The following STK3 variants were observed in gnomAD, a reference collection of about 807,000 sequenced individuals.
STK3 encodes serine/threonine kinase 3, also known as serine/threonine-protein kinase 3.
Under a neutral mutation model 58.0 loss-of-function variants are expected in STK3, and 41 were observed. The observed-to-expected ratio is 0.71, with a 90% CI of 0.55 to 0.92. STK3 has a LOEUF of 0.92. STK3 is among the 40% of genes least tolerant of loss of function. The pLI is 0.00. For missense variants in STK3, 479 were observed against 602.7 expected (o/e 0.79, Z 2.15); for synonymous variants, 170 against 191.0 (o/e 0.89, Z 0.91).
At chr8:98,696,091 G>A (rs1389577802) in intron 6 of STK3, among the ~76,000 whole-genome samples, 1 of 152,102 alleles carries the variant, frequency 6.6e-6, no homozygotes, top group Non-Finnish European at 1.5e-5. Context: ...TCCCTTGTAA[G>A]TTGGATTCCC....
chr8:98,707,020 C>T (rs1826016437), intron 5 of STK3, 127 bp downstream of exon 5: 1 of 1,029,922 alleles, frequency 9.7e-7, no homozygotes, highest in South Asian at 2.1e-5. Context: ...ATTATGGTTC[C>T]TTCTCCACAA....
chr8:98,934,623 T>C (rs572696900), intron 1 of STK3, among the ~76,000 whole-genome samples: 1 of 152,238 alleles, frequency 6.6e-6, no homozygotes, highest in South Asian at 2.1e-4. Flanking sequence ...ACATATAAGA[T>C]GACATATGTA....
intron 7 of STK3, chr8:98,595,186 T>C (rs984831933): frequency 2.6e-5 from 4 of 152,172 alleles, no homozygotes; most frequent in Admixed American, 1.3e-4. Context: ...TCTATGGAGA[T>C]TGAGTACCAA....
At chr8:98,700,126 C>G (rs1398451078) in intron 6 of STK3, among the ~76,000 whole-genome samples, 4 of 152,204 alleles carry the variant, frequency 2.6e-5, no homozygotes, top group Admixed American at 6.5e-5. Flanking sequence ...AGACTGCTGT[C>G]CTAGCAATCA....
the STK3 span, among the ~76,000 whole-genome samples, chr8:98,363,551 C>G: frequency 1.4e-4 from 22 of 152,090 alleles, no homozygotes; most frequent in Non-Finnish European, 5.9e-5. Flanking sequence ...TAAACAATCA[C>G]TAAGTACCAG....
chr8:98,740,124 T>C (rs1487892358), intron 4 of STK3, among the ~76,000 whole-genome samples: 3 of 152,216 alleles, frequency 2.0e-5, no homozygotes, highest in South Asian at 2.1e-4. Flanking sequence ...CTCACTGGTG[T>C]ACCTGAAAGT....
rs535010494 is a variant in STK3, at chr8:98,605,308, T to G, written c.685-9139A>C. On this transcript the variant is annotated intron_variant, in intron 6 of 10. Transcript: ENST00000419617. ...GAAATATCTGAGACTGGGTAATTTA[T>G]AAAGAAAAGAAGTTTAACTGGCTCA... 7.6e-4 allele frequency among the ~76,000 whole-genome samples: 115 copies of G among 152,202 alleles called. 1 individual carries two copies. Among genetic ancestry groups the G allele is most frequent in the African/African-American group, 2.7e-3 (114 of 41,516 alleles).
At chr8:98,793,501 C>A (rs1832939853) in intron 1 of STK3, among the ~76,000 whole-genome samples, 1 of 152,238 alleles carries the variant, frequency 6.6e-6, no homozygotes, top group Admixed American at 6.5e-5. Context: ...GCACTCCAGT[C>A]TGGGCAATCA....
At chr8:98,926,427 A>G (rs1181216820) in intron 1 of STK3, among the ~76,000 whole-genome samples, 3 of 152,188 alleles carry the variant, frequency 2.0e-5, no homozygotes, top group Non-Finnish European at 2.9e-5. Context: ...GGAACTTTTC[A>G]TTCTACCCAA....
intron 6 of STK3, among the ~76,000 whole-genome samples, chr8:98,699,215 G>A (rs1194066381): frequency 3.3e-5 from 5 of 151,874 alleles, no homozygotes; most frequent in Non-Finnish European, 7.4e-5. Flanking sequence ...AGCTCCATCA[G>A]CTCCTTTAAG....
At chr8:98,561,230 A>T (rs1156484169) in intron 8 of STK3, among the ~76,000 whole-genome samples, 1 of 152,014 alleles carries the variant, frequency 6.6e-6, no homozygotes, top group East Asian at 1.9e-4. Flanking sequence ...TTTGAAAATG[A>T]CACAAAGGCA....
At chr8:98,570,116 T>A (rs1812844107) in intron 8 of STK3, among the ~76,000 whole-genome samples, 1 of 148,542 alleles carries the variant, frequency 6.7e-6, no homozygotes, top group African/African-American at 2.4e-5. Context: ...TATATATATG[T>A]TTTTTCTTTT....
At chr8:98,358,031 T>A in the STK3 span, among the ~76,000 whole-genome samples, 1 of 151,932 alleles carries the variant, frequency 6.6e-6, no homozygotes, top group East Asian at 1.9e-4. Context: ...ATTCAGAACA[T>A]CAACAAGCGA....
chr8:98,700,604 C>CT (rs1825501910), intron 6 of STK3, among the ~76,000 whole-genome samples: 1 of 152,178 alleles, frequency 6.6e-6, no homozygotes, highest in South Asian at 2.1e-4. Context: ...TGACAAGTGC[C>CT]TCCAATTATC....
chr8:98,721,806 A>G (rs1344430704), intron 4 of STK3, among the ~76,000 whole-genome samples: 1 of 152,188 alleles, frequency 6.6e-6, no homozygotes, highest in Non-Finnish European at 1.5e-5. Flanking sequence ...CAGCACATAT[A>G]TAACCAGAAT....
intron 6 of STK3, among the ~76,000 whole-genome samples, chr8:98,682,490 G>A (rs573849491): frequency 1.7e-4 from 26 of 152,130 alleles, no homozygotes; most frequent in African/African-American, 6.0e-4. Flanking sequence ...CAAAGTCACC[G>A]CTAATCATTT....
At chr8:98,779,012 C>T (rs1831913992) in intron 1 of STK3, 1 of 151,650 alleles carries the variant, frequency 6.6e-6, no homozygotes, top group African/African-American at 2.4e-5. Flanking sequence ...CACATGTACC[C>T]TAAAACTTAA....
At chr8:98,530,245 G>C (rs1826068600) in intron 9 of STK3, among the ~76,000 whole-genome samples, 1 of 152,084 alleles carries the variant, frequency 6.6e-6, no homozygotes, top group Non-Finnish European at 1.5e-5. Flanking sequence ...TTGTTTTACA[G>C]ATTATTTCAT....
At chr8:98,654,544 G>C (rs1186305693) in intron 6 of STK3, among the ~76,000 whole-genome samples, 1 of 152,164 alleles carries the variant, frequency 6.6e-6, no homozygotes, top group Non-Finnish European at 1.5e-5. Context: ...AAGGCAAATT[G>C]TCCCTGTTTG....
Sources: allele counts gnomAD v4.1 joint callset (sites outside exome capture counted in the v4.1 genomes callset), GRCh38; gene constraint gnomAD v4.1.1; transcripts MANE v1.5; gene names NCBI Gene and HGNC (gene_info 2026-07-23, HGNC 2026-07-21).